The following DPP6 variants were observed in gnomAD, a reference collection of about 807,000 sequenced individuals.
DPP6 encodes dipeptidyl peptidase like 6.
A neutral mutation model predicts 122.6 loss-of-function variants in DPP6; 69 were observed. That is an observed-to-expected ratio of 0.56 (90% confidence interval 0.46 to 0.69). The LOEUF is 0.69. Among genes scored for constraint, DPP6 ranks in the 30% least tolerant of loss-of-function variants. The pLI is 0.00. For synonymous variants in DPP6, 418 were observed against 433.1 expected (o/e 0.97, Z 0.43); for missense variants, 928 against 1,116.9 (o/e 0.83, Z 2.41).
At chr7:154,294,912 G>A (rs1365124621) in intron 1 of DPP6, among the ~76,000 whole-genome samples, 2 of 152,136 alleles carry the variant, frequency 1.3e-5, no homozygotes, top group African/African-American at 4.8e-5. Flanking sequence ...ACCTGGAGCC[G>A]TTAAAAAAAC....
chr7:154,478,214 G>A (rs1822925480), intron 3 of DPP6, among the ~76,000 whole-genome samples: 1 of 151,934 alleles, frequency 6.6e-6, no homozygotes, highest in South Asian at 2.1e-4. Context: ...AAATCCATAG[G>A]ATTATCTCAT....
At chr7:153,894,284 A>G (rs1019757010) in intron 1 of DPP6, among the ~76,000 whole-genome samples, 4 of 152,222 alleles carry the variant, frequency 2.6e-5, no homozygotes, top group Non-Finnish European at 5.9e-5. Flanking sequence ...ACTAAAATAA[A>G]TTCAGCAACA....
intron 1 of DPP6, among the ~76,000 whole-genome samples, chr7:153,911,464 G>T (rs1271546642): frequency 6.6e-6 from 1 of 152,144 alleles, no homozygotes; most frequent in East Asian, 1.9e-4. Flanking sequence ...TTCACTTTTT[G>T]TATCCCTAGT....
At chr7:154,593,291 C>T (rs1289359583) in intron 5 of DPP6, among the ~76,000 whole-genome samples, 1 of 152,220 alleles carries the variant, frequency 6.6e-6, no homozygotes, top group African/African-American at 2.4e-5. Flanking sequence ...GGCAGAACAG[C>T]ACACATCTTG....
At chr7:154,636,201 A>G (rs917095696) in intron 5 of DPP6, among the ~76,000 whole-genome samples, 1 of 152,168 alleles carries the variant, frequency 6.6e-6, no homozygotes, top group Non-Finnish European at 1.5e-5. Context: ...ACTCTATATA[A>G]TATACCATAT....
At chr7:153,927,645 AT>A (rs1257401930) in intron 1 of DPP6, among the ~76,000 whole-genome samples, 2 of 152,214 alleles carry the variant, frequency 1.3e-5, no homozygotes, top group Non-Finnish European at 2.9e-5. Flanking sequence ...GTTCTTATAC[AT>A]TTTTATTGTG....
chr7:153,907,364 A>G (rs1014171781), intron 1 of DPP6, among the ~76,000 whole-genome samples: 2 of 152,232 alleles, frequency 1.3e-5, no homozygotes, highest in African/African-American at 4.8e-5. Flanking sequence ...CCAAATATAA[A>G]GAGGGACAGA....
intron 7 of DPP6, among the ~76,000 whole-genome samples, chr7:154,671,244 G>A (rs1838533812): frequency 6.6e-6 from 1 of 152,174 alleles, no homozygotes; most frequent in South Asian, 2.1e-4. Flanking sequence ...CTGTGAAAGT[G>A]GCCATTACAC....
At chr7:154,402,682 G>A (rs1219644414) in intron 1 of DPP6, among the ~76,000 whole-genome samples, 2 of 149,966 alleles carry the variant, frequency 1.3e-5, no homozygotes, top group Admixed American at 1.3e-4. Flanking sequence ...GCACCAGCAT[G>A]GCACATGTAT....
intron 1 of DPP6, among the ~76,000 whole-genome samples, chr7:154,291,764 C>T (rs1805227766): frequency 6.6e-6 from 1 of 152,200 alleles, no homozygotes; most frequent in Non-Finnish European, 1.5e-5. Context: ...CCATGTTTTA[C>T]CATATTCTCA....
intron 1 of DPP6, among the ~76,000 whole-genome samples, chr7:154,031,601 T>C (rs1563116486): frequency 6.6e-6 from 1 of 151,672 alleles, no homozygotes; most frequent in Non-Finnish European, 1.5e-5. Flanking sequence ...ATACCCCTAT[T>C]TGATAAGCTT....
intron 1 of DPP6, among the ~76,000 whole-genome samples, chr7:154,250,299 C>A (rs538538886): frequency 1.6e-3 from 246 of 152,210 alleles, no homozygotes; most frequent in African/African-American, 5.7e-3. Flanking sequence ...CGTCCTGCTA[C>A]AGATGGGCAG....
the DPP6 span, among the ~76,000 whole-genome samples, chr7:153,786,619 G>C: frequency 1.3e-5 from 2 of 151,188 alleles, no homozygotes; most frequent in African/African-American, 4.9e-5. Context: ...CGCACCTGTA[G>C]TCCCAGCTAC....
rs1815783244 is a variant in DPP6 at position 154,403,144 on chromosome 7, T to A, written c.244-43070T>A. ...AGCACCAGAGAATGACTGTCTCTTTTCTTTGTGGTTCTAACGTGTCACCCA... is the reference window on the plus strand; with the variant it reads ...AGCACCAGAGAATGACTGTCTCTTTACTTTGTGGTTCTAACGTGTCACCCA... On this transcript the variant is annotated intron_variant, in intron 1 of 25. Transcript: ENST00000377770. The surrounding 1 kb of genome is among the most constrained non-coding windows in gnomAD (Gnocchi z 4.1). Among the ~76,000 whole-genome samples, 1 of 152,196 alleles carries A rather than the reference T, an allele frequency of 6.6e-6. No homozygotes were observed. The highest frequency in any genetic ancestry group is 1.5e-5 in the Non-Finnish European group (1 of 68,036).
At chr7:153,917,554 C>T (rs1188352161) in intron 1 of DPP6, among the ~76,000 whole-genome samples, 1 of 152,182 alleles carries the variant, frequency 6.6e-6, no homozygotes, top group African/African-American at 2.4e-5. Context: ...CAGGAAGTTG[C>T]TGCCACATTT....
chr7:154,138,431 G>C (rs374123327), intron 1 of DPP6, among the ~76,000 whole-genome samples: 1 of 152,202 alleles, frequency 6.6e-6, no homozygotes, highest in East Asian at 1.9e-4. Context: ...GGATCAGGCA[G>C]GTAACTCTGT....
chr7:154,515,851 T>G (rs1197810237), intron 3 of DPP6, among the ~76,000 whole-genome samples: 1 of 152,148 alleles, frequency 6.6e-6, no homozygotes, highest in Non-Finnish European at 1.5e-5. Context: ...GTTCCCACAG[T>G]GCACGGAGGC....
At position 154,568,099 on chromosome 7, in the gene DPP6, C is replaced by T. The variant is rs571615102; in HGVS notation, c.627+1183C>T. 1.4e-3 allele frequency among the ~76,000 whole-genome samples: 218 copies of T among 152,272 alleles called. 1 individual carries two copies. The highest frequency in any genetic ancestry group is 6.8e-3 in the Middle Eastern group (2 of 294). ...TCTTTGATTGGGATCAGTTGGTGAA[C>T]TTGACATTCTAAAAGGCTTGGGACT... On this transcript the variant is annotated intron_variant, in intron 5 of 25. Transcript: ENST00000377770.
chr7:154,492,476 T>G (rs1824362476), intron 3 of DPP6, among the ~76,000 whole-genome samples: 1 of 152,212 alleles, frequency 6.6e-6, no homozygotes, highest in African/African-American at 2.4e-5. Context: ...CAAAGCCTGC[T>G]TTCTCCTTCT....
Sources: gnomAD v4.1 joint callset for allele counts (sites outside exome capture counted in the v4.1 genomes callset) on GRCh38, gnomAD v4.1.1 for gene constraint, Gnocchi (gnomAD v3.1) non-coding constraint, MANE v1.5 for transcripts, NCBI Gene and HGNC (gene_info 2026-07-23, HGNC 2026-07-21) for gene names.